The following ATP1A2 variants were observed in gnomAD, a reference collection of about 807,000 sequenced individuals.
ATP1A2 encodes ATPase Na+/K+ transporting subunit alpha 2.
Under a neutral mutation model 113.1 loss-of-function variants are expected in ATP1A2, and 56 were observed. That is an observed-to-expected ratio of 0.49 (90% CI 0.40 to 0.62). The LOEUF is 0.62. ATP1A2 is among the 20% of genes least tolerant of loss of function. The pLI, the probability that ATP1A2 is intolerant of heterozygous loss-of-function variation, is 0.00. For synonymous variants in ATP1A2, 490 were observed against 526.8 expected (o/e 0.93, Z 0.96); for missense variants, 712 against 1,357.8 (o/e 0.52, Z 7.47).
chr1:160,126,628 C>A (rs1318972400), intron 7 of ATP1A2, among the ~76,000 whole-genome samples: 2 of 151,806 alleles, frequency 1.3e-5, no homozygotes, highest in African/African-American at 4.9e-5. Flanking sequence ...GATACCACAC[C>A]CAGCTAATAT....
chr1:160,140,136 A>T (rs369268349), intron 22 of ATP1A2, 152 bp downstream of exon 22: 44 of 752,258 alleles, frequency 5.8e-5, no homozygotes, highest in East Asian at 5.6e-4. Context: ...AGGAGCCCTG[A>T]CTCTTTCGAA....
chr1:160,120,856 G>A lies in ATP1A2; in HGVS notation c.13-50G>A, dbSNP rs763645396. 4.6e-6 allele frequency: 7 copies of A among 1,535,180 alleles called. No individual in the cohort carries two copies. The African/African-American group carries it at 8.3e-5, about 18-fold the overall frequency. On this transcript the variant is annotated intron_variant, in intron 1 of 22. Coordinates refer to ENST00000361216, the MANE Select transcript of ATP1A2 (RefSeq NM_000702.4). ...CCCTGGCTGAGTGGTGGGAATGGAG[G>A]CCCCAGCCCCTCTCTTCCCTGACTC...
chr1:160,119,256 C>CAA lies in ATP1A2; in HGVS notation c.13-1624_13-1623dup, dbSNP rs386368465. On this transcript the variant is annotated intron_variant, in intron 1 of 22. Transcript: ENST00000361216. ...AAACCCCCAAAACTGCATTATCCTG[C>CAA]AAAAAAAAAAAAAAAAAAAAAAAAA... Among the ~76,000 whole-genome samples, 484 of 49,392 alleles carry CAA rather than the reference C, an allele frequency of 9.8e-3. 114 individuals carry two copies. Among genetic ancestry groups the CAA allele is most frequent in the African/African-American group, 0.014 (139 of 10,044 alleles). 32.4% of individuals were successfully genotyped at this position (49,392 alleles called of 152,430 possible). A position where few individuals can be genotyped will look rare whatever the true frequency, so the allele number is the denominator to read the frequency against.
At chr1:160,123,181 G>A (rs1271159659) in intron 3 of ATP1A2, 32 bp from the exon 4 acceptor site, 2 of 1,612,548 alleles carry the variant, frequency 1.2e-6, no homozygotes, top group East Asian at 2.2e-5. Context: ...GGCTCCGGAT[G>A]CGTGCCCCTA....
At chr1:160,126,659 T>TG (rs1189463335) in intron 7 of ATP1A2, among the ~76,000 whole-genome samples, 5 of 152,106 alleles carry the variant, frequency 3.3e-5, no homozygotes, top group African/African-American at 1.2e-4. Context: ...ATATTAGAGA[T>TG]GGGGTCTCAC....
rs1262865244 is a variant in ATP1A2 at position 160,143,461 on chromosome 1, C to T, written c.*2139C>T. 2 of 152,590 alleles carry T rather than the reference C, an allele frequency of 1.3e-5. No individual in the cohort carries two copies. The highest frequency in any genetic ancestry group is 2.9e-5 in the Non-Finnish European group (2 of 68,036). 9.5% of individuals were successfully genotyped at this position (152,590 alleles called of 1,614,324 possible). ...AGCAGCGAGTGCATGGGCTAATTAT[C>T]ATCAATCTTTATGTATTTGTTAAAG... On this transcript the variant is annotated 3_prime_UTR_variant, in exon 23 of 23. Transcript: ENST00000361216.
rs1016717262 is a variant in ATP1A2, at chr1:160,130,658, G to A, written c.1827+61G>A. On this transcript the variant is annotated intron_variant, in intron 13 of 22. Coordinates refer to ENST00000361216, the MANE Select transcript of ATP1A2 (RefSeq NM_000702.4). The stretch of plus-strand genomic sequence containing the variant: ...CCCCCATGCCAGAGTTCAAGGAGCT[G>A]CAGTGGCTGCTGCCCTGGAAAGGCC... 3.7e-6 allele frequency: 6 copies of A among 1,609,596 alleles called. No homozygotes were observed. The African/African-American group carries it at 6.7e-5, about 18-fold the overall frequency.
intron 1 of ATP1A2, 82 bp from the exon 2 acceptor site, chr1:160,120,824 C>T: frequency 1.4e-6 from 2 of 1,432,132 alleles, no homozygotes; most frequent in Non-Finnish European, 1.9e-6. Context: ...CCCCCACTGC[C>T]TGGGCTCCCT....
intron 20 of ATP1A2, among the ~76,000 whole-genome samples, chr1:160,139,291 GAC>G (rs1277010149): frequency 6.6e-6 from 1 of 152,102 alleles, no homozygotes; most frequent in East Asian, 1.9e-4. Flanking sequence ...TTGCTGGGGA[GAC>G]ACACTTTCAT....
intron 4 of ATP1A2, among the ~76,000 whole-genome samples, 170 bp from the exon 5 acceptor site, chr1:160,123,773 A>G (rs770745456): frequency 6.6e-6 from 1 of 152,198 alleles, no homozygotes; most frequent in Admixed American, 6.5e-5. Context: ...AGGTTGGCAG[A>G]TCAAGGGGGA....
chr1:160,125,095 G>A (rs763595196), intron 6 of ATP1A2, 41 bp from the exon 7 acceptor site: 11 of 1,540,082 alleles, frequency 7.1e-6, no homozygotes, highest in Middle Eastern at 1.7e-4. Flanking sequence ...GCATACAAGT[G>A]GCTCTGCCAG....
In ATP1A2 at chr1:160,135,392, G is replaced by A. The variant is rs1177283418; in HGVS notation, c.2116-42G>A. On this transcript the variant is annotated intron_variant, in intron 15 of 22. Transcript: ENST00000361216. The surrounding 1 kb of genome is among the most constrained non-coding windows in gnomAD (Gnocchi z 6.3). The stretch of plus-strand genomic sequence containing the variant: ...GAGTGAGAGGCGAGGAGCCAGGCTT[G>A]GGAAGGGGTTTCGTCCTCAAGTGTG... The A allele has an allele frequency of 6.2e-7, 1 of 1,614,102 alleles. No individual in the cohort carries two copies. Among genetic ancestry groups the A allele is most frequent in the Non-Finnish European group, 8.5e-7 (1 of 1,180,042 alleles).
intron 18 of ATP1A2, 51 bp downstream of exon 18, chr1:160,136,421 C>A: frequency 6.2e-7 from 1 of 1,612,884 alleles, no homozygotes. Flanking sequence ...GTTCTTTTCC[C>A]AGCTTTCAGA....
intron 8 of ATP1A2, 115 bp downstream of exon 8, chr1:160,127,935 A>C: frequency 1.5e-6 from 2 of 1,364,126 alleles, no homozygotes; most frequent in South Asian, 2.9e-5. Context: ...AGAGTCACTT[A>C]TTGGATGCGA....
In ATP1A2 at chr1:160,135,040, C is replaced by A; in HGVS notation, c.1965-105C>A. On this transcript the variant is annotated intron_variant, in intron 14 of 22. Coordinates refer to ENST00000361216, the MANE Select transcript of ATP1A2 (RefSeq NM_000702.4). This position sits in a 1 kb window ranked among gnomAD's most constrained non-coding sequence, Gnocchi z 6.3. ...GAACTGAAGCAACAGGGGAAGCAGG[C>A]TCAGCAGGGAGCCTGCAGGCTGCGG... 1 of 1,472,066 alleles carries A rather than the reference C, an allele frequency of 6.8e-7. No individual in the cohort carries two copies. The highest frequency in any genetic ancestry group is 9.4e-7 in the Non-Finnish European group (1 of 1,063,912). 91.2% of individuals were successfully genotyped at this position (1,472,066 alleles called of 1,614,324 possible). A position where few individuals can be genotyped will look rare whatever the true frequency, so the allele number is the denominator to read the frequency against.
At chr1:160,131,810 G>T (rs903128671) in intron 13 of ATP1A2, among the ~76,000 whole-genome samples, 1 of 149,886 alleles carries the variant, frequency 6.7e-6, no homozygotes, top group African/African-American at 2.5e-5. Flanking sequence ...CAGCCTAGGC[G>T]ACAAGAGCAA....
chr1:160,124,806 G>T (rs572873962), intron 6 of ATP1A2, among the ~76,000 whole-genome samples: 14 of 152,278 alleles, frequency 9.2e-5, no homozygotes, highest in Admixed American at 2.6e-4. Flanking sequence ...ACCCCAGGAG[G>T]TGCATTTTCA....
Position 160,135,189 on chromosome 1 carries a change from T to C in ATP1A2, c.2009T>C (p.Met670Thr). Residue 670 changes from methionine (M) to threonine (T), a missense_variant, in exon 15 of 23, where the codon ATG becomes ACG. This residue lies in a region of ATP1A2 where 263 missense variants were observed against 380.6 expected (regional missense o/e 0.69). Transcript: ENST00000361216. This position sits in a 1 kb window ranked among gnomAD's most constrained non-coding sequence, Gnocchi z 6.3. ...GTGCACGGCTCTGACCTGAAGGACA[T>C]GACATCGGAGCAGCTCGATGAGATC... ...CVVHGSDLKD[M>T]TSEQLDEILK... 1.2e-6 allele frequency: 2 copies of C among 1,614,150 alleles called. No homozygotes were observed. The highest frequency in any genetic ancestry group is 1.7e-6 in the Non-Finnish European group (2 of 1,180,026).
chr1:160,134,079 A>AC (rs566541459), intron 13 of ATP1A2, among the ~76,000 whole-genome samples: 65 of 95,510 alleles, frequency 6.8e-4, no homozygotes, highest in East Asian at 1.0e-3. Flanking sequence ...CCCACCCCCC[A>AC]CACACACATC....
Sources: allele counts gnomAD v4.1 joint callset (sites outside exome capture counted in the v4.1 genomes callset), GRCh38; gene constraint gnomAD v4.1.1; regional missense constraint gnomAD v4.1.1; non-coding constraint Gnocchi (gnomAD v3.1); transcripts MANE v1.5; gene names NCBI Gene and HGNC (gene_info 2026-07-23, HGNC 2026-07-21).